Variants in CLRN3 observed in about 807,000 individuals in gnomAD.
The protein encoded by CLRN3 is clarin-3.
CLRN3 carries 12 observed loss-of-function variants against 16.7 expected under a neutral mutation model. The observed-to-expected ratio is 0.72, with a 90% CI of 0.46 to 1.16. CLRN3 has a LOEUF of 1.16. Ranked by LOEUF, CLRN3 falls within the 50% of genes most tolerant of loss-of-function variation. CLRN3 has a pLI of 0.00. For synonymous variants in CLRN3, 118 were observed against 113.0 expected, an observed-to-expected ratio of 1.04 and a Z score of -0.28; for missense variants, 296 against 274.2, an observed-to-expected ratio of 1.08 and a Z score of -0.56.
intron 1 of CLRN3, among the ~76,000 whole-genome samples, chr10:127,887,148 C>A (rs1248304297): frequency 6.6e-6 from 1 of 152,030 alleles, no homozygotes; most frequent in Non-Finnish European, 1.5e-5. Flanking sequence ...AGGGGGACAC[C>A]GGAGGAGAGA....
chr10:127,879,429 A>G (rs539217163), intron 2 of CLRN3, among the ~76,000 whole-genome samples: 2 of 152,292 alleles, frequency 1.3e-5, no homozygotes, highest in African/African-American at 4.8e-5. Flanking sequence ...TGGGAGAGCC[A>G]CTTTTGTCTA....
chr10:127,887,348 A>C (rs1024495936), intron 1 of CLRN3, among the ~76,000 whole-genome samples: 1 of 152,214 alleles, frequency 6.6e-6, no homozygotes, highest in Non-Finnish European at 1.5e-5. Context: ...TTAGCAAAAA[A>C]GGAGCTGTGT....
rs140594284 is a variant in CLRN3 at position 127,884,977 on chromosome 10, A to T, written c.230-1102T>A. Among the ~76,000 whole-genome samples, 395 of 152,352 alleles carry T rather than the reference A, an allele frequency of 2.6e-3. 2 individuals are homozygous for T. Among genetic ancestry groups the T allele is most frequent in the Non-Finnish European group, 4.5e-3 (303 of 68,040 alleles). On this transcript the variant is annotated intron_variant, in intron 1 of 2. Coordinates refer to ENST00000368671, the MANE Select transcript of CLRN3 (RefSeq NM_152311.5). ...GTCACAGTAAGGCCACAGCAACATC[A>T]CTGGGAACAGGTGGGTAAAAACAAG...
At chr10:127,890,412 G>C (rs540739043) in intron 1 of CLRN3, among the ~76,000 whole-genome samples, 1 of 152,236 alleles carries the variant, frequency 6.6e-6, no homozygotes, top group South Asian at 2.1e-4. Flanking sequence ...GAATTATTTT[G>C]GCACTTTGAA....
chr10:127,883,247 A>G (rs1438555955), intron 2 of CLRN3, among the ~76,000 whole-genome samples: 1 of 150,864 alleles, frequency 6.6e-6, no homozygotes, highest in Non-Finnish European at 1.5e-5. Context: ...AGGAAAGAGA[A>G]GGAAGTGTGT....
chr10:127,881,253 G>A lies in CLRN3; in HGVS notation c.409+2443C>T, dbSNP rs1254352729. ...GGAAGGTGGCAGGAATTCCCTCTCCGTCCAACAATTCTTTGTGGATAGGAG... is the reference window on the plus strand; with the variant it reads ...GGAAGGTGGCAGGAATTCCCTCTCCATCCAACAATTCTTTGTGGATAGGAG... On this transcript the variant is annotated intron_variant, in intron 2 of 2. Transcript: ENST00000368671. Among the ~76,000 whole-genome samples, 7 of 152,300 alleles carry A rather than the reference G, an allele frequency of 4.6e-5. No individual in the cohort carries two copies. The South Asian group carries it at 1.2e-3, about 27-fold the overall frequency.
intron 2 of CLRN3, among the ~76,000 whole-genome samples, chr10:127,880,668 G>A (rs1229054294): frequency 1.3e-5 from 2 of 152,160 alleles, no homozygotes; most frequent in Non-Finnish European, 2.9e-5. Flanking sequence ...GTAGGCTGAG[G>A]TCAGAGGTCA....
Position 127,884,853 on chromosome 10 carries a change from G to A in CLRN3, c.230-978C>T, listed in dbSNP as rs372597904. ...GCCACGGGCTGACAGGGTGTGTGAG[G>A]CCCTGTGGAGGAGGCCAGCACATGA... On this transcript the variant is annotated intron_variant, in intron 1 of 2. Transcript: ENST00000368671. Among the ~76,000 whole-genome samples the A allele has an allele frequency of 2.5e-4, 38 of 152,294 alleles. No homozygotes were observed. In the South Asian group the frequency reaches 7.1e-3, roughly 28 times the overall value.
At chr10:127,887,286 G>A (rs1449964082) in intron 1 of CLRN3, among the ~76,000 whole-genome samples, 3 of 152,118 alleles carry the variant, frequency 2.0e-5, no homozygotes, top group African/African-American at 4.8e-5. Flanking sequence ...CGCTAAAGGG[G>A]AAACTCCAGG....
chr10:127,878,549 AGGGAGAAG>A, intron 2 of CLRN3, 129 bp from the exon 3 acceptor site: 2 of 1,308,708 alleles, frequency 1.5e-6, no homozygotes, highest in Non-Finnish European at 2.1e-6. Context: ...TTTAAGCACT[AGGGAGAAG>A]GTACAAAATT....
chr10:127,886,280 A>T (rs1042812571), intron 1 of CLRN3, among the ~76,000 whole-genome samples: 2 of 152,122 alleles, frequency 1.3e-5, no homozygotes, highest in African/African-American at 4.8e-5. Flanking sequence ...TTTGTTCACT[A>T]TTGTTTTCTT....
chr10:127,882,763 A>C (rs1184707480), intron 2 of CLRN3, among the ~76,000 whole-genome samples: 1 of 152,208 alleles, frequency 6.6e-6, no homozygotes, highest in East Asian at 1.9e-4. Context: ...GGCCTGTGTT[A>C]AAATGCGTCA....
Position 127,878,384 on chromosome 10 carries a change from G to A in CLRN3, c.446C>T (p.Ala149Val), listed in dbSNP as rs150481499. ...FVFVTMILFV[A>V]NTQSNQLSEE... ...GGAGAGTTGGTTGGACTGCGTGTTCGCCACAAACAGTATCATGGTCACAAA... is the reference window on the plus strand; with the variant it reads ...GGAGAGTTGGTTGGACTGCGTGTTCACCACAAACAGTATCATGGTCACAAA... The change falls in exon 3 of 3, where the codon GCG becomes GTG. Residue 149 changes from alanine to valine, a missense_variant. Ala to Val is a moderately conservative substitution (Grantham distance 64). Transcript: ENST00000368671. The A allele has an allele frequency of 5.3e-5, 85 of 1,614,044 alleles. No homozygotes were observed. Among genetic ancestry groups the A allele is most frequent in the South Asian group, 3.0e-4 (27 of 91,090 alleles).
intron 2 of CLRN3, among the ~76,000 whole-genome samples, chr10:127,880,081 C>A (rs946194141): frequency 2.7e-4 from 41 of 152,124 alleles, no homozygotes; most frequent in African/African-American, 8.7e-4. Context: ...GATGACAGAT[C>A]TTCATCCTCA....
chr10:127,883,504 C>A (rs1276419234), intron 2 of CLRN3, among the ~76,000 whole-genome samples, 192 bp downstream of exon 2: 1 of 152,216 alleles, frequency 6.6e-6, no homozygotes, highest in Non-Finnish European at 1.5e-5. Flanking sequence ...AAACAGAATT[C>A]TATTTCCAGA....
At chr10:127,888,511 G>C (rs2135085056) in intron 1 of CLRN3, among the ~76,000 whole-genome samples, 1 of 152,304 alleles carries the variant, frequency 6.6e-6, no homozygotes, top group South Asian at 2.1e-4. Flanking sequence ...TCTTCTCTTT[G>C]CAATTCATTA....
rs756845457 is a variant in CLRN3 at position 127,892,663 on chromosome 10, C to G, written c.122G>C (p.Arg41Thr). The change falls in exon 1 of 3, where the codon AGA becomes ACA. Residue 41 changes from arginine to threonine, a missense_variant. Transcript: ENST00000368671. ...AATGCTCCCATTTGAAGCAGAGTCT[C>G]TAACAGCAATTGTACTGGTGATCCA... ...QAWITSTIAV[R>T]DSASNGSIFI... 1.2e-6 allele frequency: 2 copies of G among 1,612,154 alleles called. No homozygotes were observed. The highest frequency in any genetic ancestry group is 2.2e-5 in the South Asian group (2 of 91,036).
At chr10:127,882,903 T>C (rs1318813758) in intron 2 of CLRN3, among the ~76,000 whole-genome samples, 3 of 152,098 alleles carry the variant, frequency 2.0e-5, no homozygotes, top group African/African-American at 7.2e-5. Flanking sequence ...CAAAAGGCCC[T>C]GAAGGCAGCT....
intron 2 of CLRN3, 22 bp downstream of exon 2, chr10:127,883,674 C>G: frequency 6.4e-7 from 1 of 1,566,560 alleles, no homozygotes; most frequent in Non-Finnish European, 8.8e-7. Context: ...TGCAGAGCAC[C>G]GAGTCTCACA....
Sources: gnomAD v4.1 joint callset for allele counts (sites outside exome capture counted in the v4.1 genomes callset) on GRCh38, gnomAD v4.1.1 for gene constraint, MANE v1.5 for transcripts, NCBI Gene and HGNC (gene_info 2026-07-23, HGNC 2026-07-21) for gene names.